Variants in NAB1 observed in about 807,000 individuals in gnomAD.
The protein encoded by NAB1 is NGFI-A-binding protein 1.
NAB1 carries 25 observed loss-of-function variants against 49.9 expected under a neutral mutation model. The observed-to-expected ratio is 0.50, with a 90% CI of 0.37 to 0.70. NAB1 has a LOEUF of 0.70. Ranked by LOEUF, NAB1 falls within the 30% of genes least tolerant of loss-of-function variation. NAB1 has a pLI of 0.00. For synonymous variants in NAB1, 198 were observed against 215.6 expected, an observed-to-expected ratio of 0.92 and a Z score of 0.71; for missense variants, 489 against 575.9, an observed-to-expected ratio of 0.85 and a Z score of 1.54.
chr2:190,673,255 C>CCCATT, intron 6 of NAB1, 103 bp downstream of exon 6: 1 of 1,054,970 alleles, frequency 9.5e-7, no homozygotes, highest in Non-Finnish European at 1.4e-6. Context: ...GTCCCATAAA[C>CCCATT]TAGTGAAAAA....
In NAB1 at chr2:190,675,183, G is replaced by A. The variant is rs1347703602; in HGVS notation, c.1005+2031G>A. On this transcript the variant is annotated intron_variant, in intron 6 of 9. Coordinates refer to ENST00000337386, the MANE Select transcript of NAB1 (RefSeq NM_005966.4). This position sits in a 1 kb window ranked among gnomAD's most constrained non-coding sequence, Gnocchi z 5.2. ...GAAAGAAAGCACAGAAACTACCCAG[G>A]GGCCAAAAAATTAGTTGCTAGGCTA... Among the ~76,000 whole-genome samples, 1 of 152,046 alleles carries A rather than the reference G, an allele frequency of 6.6e-6. No individual in the cohort carries two copies. The highest frequency in any genetic ancestry group is 2.4e-5 in the African/African-American group (1 of 41,406).
chr2:190,654,120 T>C lies in NAB1; in HGVS notation c.-196-1857T>C, dbSNP rs966729337. ...GAGATGTTATTCATCATTGAAACTT[T>C]GCTAGGAATAAATGGGGATAAAAGA... On this transcript the variant is annotated intron_variant, in intron 2 of 9. Coordinates refer to ENST00000337386, the MANE Select transcript of NAB1 (RefSeq NM_005966.4). The surrounding 1 kb of genome is among the most constrained non-coding windows in gnomAD (Gnocchi z 5.6). Among the ~76,000 whole-genome samples the C allele has an allele frequency of 1.3e-5, 2 of 152,236 alleles. No homozygotes were observed. The highest frequency in any genetic ancestry group is 2.9e-5 in the Non-Finnish European group (2 of 68,038).
At position 190,671,769 on chromosome 2, in the gene NAB1, C is replaced by CTTTT. The variant is rs1177937369; in HGVS notation, c.954-1310_954-1307dup. Among the ~76,000 whole-genome samples the CTTTT allele has an allele frequency of 7.6e-3, 547 of 71,782 alleles. 11 individuals carry two copies. Among genetic ancestry groups the CTTTT allele is most frequent in the East Asian group, 0.014 (28 of 1,994 alleles). 47.1% of individuals were successfully genotyped at this position (71,782 alleles called of 152,430 possible). A position where few individuals can be genotyped will look rare whatever the true frequency, so the allele number is the denominator to read the frequency against. ...CCTCTAGTATTTACCTTCACCTTTC[C>CTTTT]TTTTTTTTTTTTTTTTTTTTTTTTT... is the stretch of plus-strand genomic sequence containing the variant. On this transcript the variant is annotated intron_variant, in intron 5 of 9. Transcript: ENST00000337386.
At position 190,656,002 on chromosome 2, in the gene NAB1, AGC is replaced by A. The variant is rs1416798694; in HGVS notation, c.-170_-169del. On this transcript the variant is annotated 5_prime_UTR_variant, in exon 3 of 10. In the 5' UTR this introduces an upstream ATG that the reference lacks. Coordinates refer to ENST00000337386, the MANE Select transcript of NAB1 (RefSeq NM_005966.4). ...GACTGAGCAGGGGGAGGAACATTTA[AGC>A]TGATGGAAGTGGAAGTGGAAGTTGC... is the stretch of plus-strand genomic sequence containing the variant. 1 of 152,256 alleles carries A rather than the reference AGC, an allele frequency of 6.6e-6. No homozygotes were observed. The highest frequency in any genetic ancestry group is 1.5e-5 in the Non-Finnish European group (1 of 68,060). 9.4% of individuals were successfully genotyped at this position (152,256 alleles called of 1,614,324 possible). A position where few individuals can be genotyped will look rare whatever the true frequency, so the allele number is the denominator to read the frequency against.
intron 6 of NAB1, among the ~76,000 whole-genome samples, chr2:190,681,710 ATTAG>A (rs1695355379): frequency 6.6e-6 from 1 of 152,224 alleles, no homozygotes; most frequent in South Asian, 2.1e-4. Flanking sequence ...AAAATAGCAA[ATTAG>A]TTATTACTTG....
At chr2:190,668,552 T>A (rs1468252363) in intron 4 of NAB1, among the ~76,000 whole-genome samples, 1 of 152,122 alleles carries the variant, frequency 6.6e-6, no homozygotes, top group Non-Finnish European at 1.5e-5. Context: ...TCGGTAGAAA[T>A]GAAAAATATA....
chr2:190,689,393 C>T lies in NAB1; in HGVS notation c.1376-852C>T, dbSNP rs1695802099. ...AAATAGTAGCTACTTTTTTTTACTACTCTTACGCGGAACTTAAAATCCCCT... is the reference window on the plus strand; with the variant it reads ...AAATAGTAGCTACTTTTTTTTACTATTCTTACGCGGAACTTAAAATCCCCT... On this transcript the variant is annotated intron_variant, in intron 9 of 9. Coordinates refer to ENST00000337386, the MANE Select transcript of NAB1 (RefSeq NM_005966.4). This position sits in a 1 kb window ranked among gnomAD's most constrained non-coding sequence, Gnocchi z 4.3. 6.6e-6 allele frequency among the ~76,000 whole-genome samples: 1 copy of T among 152,132 alleles called. No individual in the cohort carries two copies. Among genetic ancestry groups the T allele is most frequent in the South Asian group, 2.1e-4 (1 of 4,822 alleles).
chr2:190,660,167 G>A (rs1434199971), intron 4 of NAB1, among the ~76,000 whole-genome samples, 172 bp downstream of exon 4: 1 of 152,202 alleles, frequency 6.6e-6, no homozygotes, highest in African/African-American at 2.4e-5. Context: ...CATATTTATT[G>A]TGTTCAGGGT....
rs1694523408 is a variant in NAB1, at chr2:190,666,448, T to C, written c.820-3878T>C. Among the ~76,000 whole-genome samples, 1 of 152,262 alleles carries C rather than the reference T, an allele frequency of 6.6e-6. No individual in the cohort carries two copies. Among genetic ancestry groups the C allele is most frequent in the African/African-American group, 2.4e-5 (1 of 41,464 alleles). ...GAGGCCGGGCATGGTGGCTCACGCC[T>C]GTAATCCCAGCACTTTGGGAGGCCA... On this transcript the variant is annotated intron_variant, in intron 4 of 9. Transcript: ENST00000337386. The surrounding 1 kb of genome is among the most constrained non-coding windows in gnomAD (Gnocchi z 5.6).
intron 2 of NAB1, among the ~76,000 whole-genome samples, chr2:190,653,072 C>T (rs1693747403): frequency 6.6e-6 from 1 of 152,142 alleles, no homozygotes; most frequent in Non-Finnish European, 1.5e-5. Context: ...AGATTGGACA[C>T]CCCTGACACA....
At position 190,691,175 on chromosome 2, in the gene NAB1, G is replaced by A. The variant is rs1403738128; in HGVS notation, c.*842G>A. 4 of 152,678 alleles carry A rather than the reference G, an allele frequency of 2.6e-5. No homozygotes were observed. Among genetic ancestry groups the A allele is most frequent in the African/African-American group, 7.2e-5 (3 of 41,570 alleles). The allele number at this position is 152,678 out of a possible 1,614,324, so 9.5% of individuals were successfully genotyped here. A position where few individuals can be genotyped will look rare whatever the true frequency, so the allele number is the denominator to read the frequency against. ...GACTTAAACATTGATATTTCAGAAT[G>A]TGTTAAATAGATTAAGACACAGTAA... On this transcript the variant is annotated 3_prime_UTR_variant, in exon 10 of 10. Transcript: ENST00000337386. This position sits in a 1 kb window ranked among gnomAD's most constrained non-coding sequence, Gnocchi z 4.1.
rs950580026 is a variant in NAB1 at position 190,651,300 on chromosome 2, A to G, written c.-197+1318A>G. On this transcript the variant is annotated intron_variant, in intron 2 of 9. Transcript: ENST00000337386. The surrounding 1 kb of genome is among the most constrained non-coding windows in gnomAD (Gnocchi z 4.3). ...AGTAATCTCTTTTTTGTAAGTGGCA[A>G]ATAACATCCACTGTCGTATGAGAAA... 6.6e-6 allele frequency among the ~76,000 whole-genome samples: 1 copy of G among 152,216 alleles called. No individual in the cohort carries two copies. The highest frequency in any genetic ancestry group is 1.5e-5 in the Non-Finnish European group (1 of 68,044).
intron 6 of NAB1, among the ~76,000 whole-genome samples, chr2:190,673,469 T>A (rs1173853638): frequency 7.2e-5 from 11 of 152,196 alleles, no homozygotes; most frequent in African/African-American, 2.7e-4. Flanking sequence ...CCCAAAATTC[T>A]GGGATTACAG....
rs1449066438 is a variant in NAB1, at chr2:190,652,470, C to T, written c.-197+2488C>T. 1.3e-5 allele frequency among the ~76,000 whole-genome samples: 2 copies of T among 152,122 alleles called. No individual in the cohort carries two copies. Among genetic ancestry groups the T allele is most frequent in the Non-Finnish European group, 2.9e-5 (2 of 68,018 alleles). Reference sequence around the variant, plus strand: ...GAATAAATACATAGTTATCATTTAGCAAAATCTGGTTTAGTTTTTTCTAAT... The same window carrying T: ...GAATAAATACATAGTTATCATTTAGTAAAATCTGGTTTAGTTTTTTCTAAT... On this transcript the variant is annotated intron_variant, in intron 2 of 9. Coordinates refer to ENST00000337386, the MANE Select transcript of NAB1 (RefSeq NM_005966.4). The surrounding 1 kb of genome is among the most constrained non-coding windows in gnomAD (Gnocchi z 4.2).
At chr2:190,683,655 G>T in intron 6 of NAB1, 83 bp from the exon 7 acceptor site, 3 of 875,962 alleles carry the variant, frequency 3.4e-6, no homozygotes, top group African/African-American at 1.7e-5. Flanking sequence ...GTGAGATTAA[G>T]AGTTTGCTTT....
At chr2:190,683,297 ATTTTTTTTTTTTTTTT>A (rs767640681) in intron 6 of NAB1, among the ~76,000 whole-genome samples, 1 of 76,136 alleles carries the variant, frequency 1.3e-5, no homozygotes, top group Non-Finnish European at 2.3e-5. Flanking sequence ...CTCCCAGCTA[ATTTTTTTTTTTTTTTT>A]TTTTTTTTTT....
At chr2:190,658,569 C>G (rs141375516) in intron 3 of NAB1, among the ~76,000 whole-genome samples, 12 of 152,334 alleles carry the variant, frequency 7.9e-5, no homozygotes, top group Non-Finnish European at 1.5e-4. Context: ...TCTACCTCTT[C>G]TTTCTTGATT....
intron 2 of NAB1, among the ~76,000 whole-genome samples, chr2:190,650,966 A>G (rs1489862472): frequency 6.6e-6 from 1 of 152,138 alleles, no homozygotes; most frequent in African/African-American, 2.4e-5. Flanking sequence ...TCTTGTTTCA[A>G]TTTTATTATT....
In NAB1 at chr2:190,685,722, T is replaced by G; in HGVS notation, c.1258+84T>G. On this transcript the variant is annotated intron_variant, in intron 8 of 9. Transcript: ENST00000337386. The surrounding 1 kb of genome is among the most constrained non-coding windows in gnomAD (Gnocchi z 4.5). ...AGAAGACAGTGGCTGATTTTTAAAT[T>G]ATGATATTTTGTAGAGATTATTTTA... 2.7e-6 allele frequency: 3 copies of G among 1,110,978 alleles called. No individual in the cohort carries two copies. The highest frequency in any genetic ancestry group is 3.6e-6 in the Non-Finnish European group (3 of 839,086). The allele number at this position is 1,110,978 out of a possible 1,614,324, so 68.8% of individuals were successfully genotyped here. A position where few individuals can be genotyped will look rare whatever the true frequency, so the allele number is the denominator to read the frequency against.
Sources: gnomAD v4.1 joint callset for allele counts (sites outside exome capture counted in the v4.1 genomes callset) on GRCh38, gnomAD v4.1.1 for gene constraint, Gnocchi (gnomAD v3.1) non-coding constraint, MANE v1.5 for transcripts, NCBI Gene and HGNC (gene_info 2026-07-23, HGNC 2026-07-21) for gene names.